The following PHF21B variants were observed in gnomAD, a reference collection of about 807,000 sequenced individuals.
PHF21B encodes PHD finger protein 21B.
In PHF21B, 22 loss-of-function variants were observed where a neutral mutation model predicts 62.2. That is an observed-to-expected ratio of 0.35 (90% CI 0.25 to 0.51). PHF21B has a LOEUF of 0.51. Among genes scored for constraint, PHF21B ranks in the 20% least tolerant of loss-of-function variants. PHF21B has a pLI of 0.97. For synonymous variants in PHF21B, 341 were observed against 314.7 expected (o/e 1.08, Z -0.88); for missense variants, 701 against 707.9 (o/e 0.99, Z 0.11).
At chr22:44,988,495 A>G (rs2072991046) in intron 2 of PHF21B, among the ~76,000 whole-genome samples, 1 of 152,152 alleles carries the variant, frequency 6.6e-6, no homozygotes, top group African/African-American at 2.4e-5. Flanking sequence ...AGGGAAATAG[A>G]AGGAAGAAAA....
chr22:45,005,448 C>T (rs1232984286), intron 2 of PHF21B, among the ~76,000 whole-genome samples: 7 of 152,186 alleles, frequency 4.6e-5, no homozygotes, highest in East Asian at 1.9e-4. Context: ...CCCTAGTCTC[C>T]GAATGGTAGG....
chr22:45,003,833 A>ACGTG (rs1241669481), intron 2 of PHF21B, among the ~76,000 whole-genome samples: 8 of 152,244 alleles, frequency 5.3e-5, no homozygotes, highest in African/African-American at 1.7e-4. Context: ...AAGTGCTGAT[A>ACGTG]CGTGCTACAA....
chr22:44,971,940 G>C (rs966779931), intron 2 of PHF21B, among the ~76,000 whole-genome samples: 4 of 152,240 alleles, frequency 2.6e-5, no homozygotes, highest in African/African-American at 9.6e-5. Flanking sequence ...TAAGAAAACA[G>C]GCTCAGGGAG....
Position 44,934,948 on chromosome 22 carries a change from A to G in PHF21B, c.121-14458T>C, listed in dbSNP as rs1334511231. Among the ~76,000 whole-genome samples the G allele has an allele frequency of 2.0e-5, 3 of 152,158 alleles. No individual in the cohort carries two copies. In the East Asian group the frequency reaches 5.8e-4, roughly 29 times the overall value. Reference sequence around the variant, plus strand: ...GCTGAGACCTTCCAGGAGCGTGGGAAGAGAAGACATGTGGCGCTAGGCTTT... The same window carrying G: ...GCTGAGACCTTCCAGGAGCGTGGGAGGAGAAGACATGTGGCGCTAGGCTTT... On this transcript the variant is annotated intron_variant, in intron 2 of 12. Coordinates refer to ENST00000313237, the MANE Select transcript of PHF21B (RefSeq NM_138415.5).
chr22:44,941,327 C>A (rs1352103114), intron 2 of PHF21B, among the ~76,000 whole-genome samples: 4 of 152,202 alleles, frequency 2.6e-5, no homozygotes, highest in Admixed American at 2.6e-4. Flanking sequence ...TCAGCGGGGA[C>A]TTCGGGGGCT....
chr22:44,985,229 CCACT>C (rs1475226137), intron 2 of PHF21B, among the ~76,000 whole-genome samples: 6 of 152,192 alleles, frequency 3.9e-5, no homozygotes, highest in Middle Eastern at 6.8e-3. Flanking sequence ...ACTTCCACAC[CCACT>C]ATTTATTCAT....
intron 2 of PHF21B, among the ~76,000 whole-genome samples, chr22:44,924,618 A>T (rs5765090): frequency 0.87 from 132,922 of 152,206 alleles, 58,165 homozygotes; most frequent in East Asian, 0.95. Context: ...GGTGGCCATC[A>T]GCAAACCAGG....
At chr22:45,007,536 G>T (rs1355980713) in intron 2 of PHF21B, among the ~76,000 whole-genome samples, 1 of 142,748 alleles carries the variant, frequency 7.0e-6, no homozygotes, top group East Asian at 2.0e-4. Context: ...ATGGCCGGGG[G>T]CGCGGCGCGG....
At chr22:44,923,927 C>G (rs2071582904) in intron 2 of PHF21B, among the ~76,000 whole-genome samples, 1 of 151,892 alleles carries the variant, frequency 6.6e-6, no homozygotes, top group Non-Finnish European at 1.5e-5. Flanking sequence ...AGGAGGGTCA[C>G]TTTAGGCCAG....
intron 2 of PHF21B, among the ~76,000 whole-genome samples, chr22:44,967,776 G>A (rs1408243471): frequency 6.6e-6 from 1 of 152,132 alleles, no homozygotes; most frequent in Non-Finnish European, 1.5e-5. Flanking sequence ...ATCCCAACGA[G>A]GATCCCACAT....
chr22:44,898,805 G>A (rs774673155), intron 5 of PHF21B, among the ~76,000 whole-genome samples: 4 of 152,118 alleles, frequency 2.6e-5, no homozygotes, highest in Non-Finnish European at 5.9e-5. Flanking sequence ...CATTTGGAAC[G>A]GATCCTGGTG....
rs1392267201 is a variant in PHF21B, at chr22:44,882,370, G to C, written c.*716C>G. Reference sequence around the variant, plus strand: ...AGGAGGCAGCCTTGAGGACCCCAAAGACGGAGCAGGAAGGGCACAGGCTCT... The same window carrying C: ...AGGAGGCAGCCTTGAGGACCCCAAACACGGAGCAGGAAGGGCACAGGCTCT... On this transcript the variant is annotated 3_prime_UTR_variant, in exon 13 of 13. Transcript: ENST00000313237. 6.5e-6 allele frequency: 1 copy of C among 152,850 alleles called. No individual in the cohort carries two copies. The highest frequency in any genetic ancestry group is 1.9e-4 in the East Asian group (1 of 5,180). The allele number at this position is 152,850 out of a possible 1,614,324, so 9.5% of individuals were successfully genotyped here.
At chr22:44,932,374 A>AGAAGAAC (rs2071759792) in intron 2 of PHF21B, among the ~76,000 whole-genome samples, 1 of 152,084 alleles carries the variant, frequency 6.6e-6, no homozygotes, top group South Asian at 2.1e-4. Flanking sequence ...GAGTGTCCTT[A>AGAAGAAC]TTCCTTCCTA....
intron 2 of PHF21B, among the ~76,000 whole-genome samples, chr22:44,991,745 C>T (rs927276489): frequency 2.6e-5 from 4 of 152,244 alleles, no homozygotes; most frequent in African/African-American, 9.6e-5. Flanking sequence ...GGCCTGCTAG[C>T]CAGACCTGAC....
chr22:44,949,269 T>G (rs1231955772), intron 2 of PHF21B, among the ~76,000 whole-genome samples: 3 of 137,372 alleles, frequency 2.2e-5, no homozygotes, highest in Non-Finnish European at 3.0e-5. Flanking sequence ...CCATTGCACT[T>G]CAGCCTGGGT....
intron 2 of PHF21B, among the ~76,000 whole-genome samples, chr22:44,986,793 A>G (rs1569275197): frequency 6.6e-6 from 1 of 151,748 alleles, no homozygotes. Context: ...GGGAGAGGGC[A>G]GGTGAAGGTC....
chr22:44,885,375 G>A (rs375099737), intron 12 of PHF21B, 51 bp downstream of exon 12: 95 of 1,499,440 alleles, frequency 6.3e-5, no homozygotes, highest in Non-Finnish European at 7.4e-5. Context: ...CCCTAGACCC[G>A]GGGCACACCT....
In PHF21B at chr22:44,913,999, TGGGGAGGGAGG is replaced by T; in HGVS notation, c.643_653del (p.Pro215IlefsTer123). The stretch of plus-strand genomic sequence containing the variant: ...CATGGAGGGGTGAAGGGGACAGTGA[TGGGGAGGGAGG>T]GGTGAGGGGAAGAGAGGAGGGGTGG... On this transcript the variant is annotated frameshift_variant, in exon 5 of 13. Transcript: ENST00000313237. LOFTEE classifies it high-confidence loss of function. 1 of 416,796 alleles carries T rather than the reference TGGGGAGGGAGG, an allele frequency of 2.4e-6. No homozygotes were observed. Among genetic ancestry groups the T allele is most frequent in the Non-Finnish European group, 3.6e-6 (1 of 274,512 alleles). 25.8% of individuals were successfully genotyped at this position (416,796 alleles called of 1,614,324 possible).
chr22:44,894,408 TGG>T (rs1233820480), intron 6 of PHF21B, among the ~76,000 whole-genome samples: 1 of 151,698 alleles, frequency 6.6e-6, no homozygotes, highest in East Asian at 1.9e-4. Flanking sequence ...AGGTTCGGAG[TGG>T]GGAAGGACCT....
Sources: gnomAD v4.1 joint callset for allele counts (sites outside exome capture counted in the v4.1 genomes callset) on GRCh38, gnomAD v4.1.1 for gene constraint, MANE v1.5 for transcripts, NCBI Gene and HGNC (gene_info 2026-07-23, HGNC 2026-07-21) for gene names.